UBN2: variants seen among roughly 807,000 people sequenced by gnomAD.
UBN2 encodes the protein ubinuclein-2.
In UBN2, 35 loss-of-function variants were observed where a neutral mutation model predicts 120.2. The ratio of observed to expected loss-of-function variants is 0.29; its 90% CI spans 0.22 to 0.39. The LOEUF (loss-of-function observed/expected upper bound fraction) is 0.39. UBN2 is among the 10% of genes least tolerant of loss of function. The pLI is 1.00. For missense variants in UBN2, 1,693 were observed against 1,663.2 expected, an observed-to-expected ratio of 1.02 and a Z score of -0.31; for synonymous variants, 661 against 648.7, an observed-to-expected ratio of 1.02 and a Z score of -0.29.
the UBN2 span, among the ~76,000 whole-genome samples, chr7:139,327,717 G>A: frequency 6.6e-6 from 1 of 152,116 alleles, no homozygotes; most frequent in Admixed American, 6.5e-5. Context: ...ATAGCACTCT[G>A]CCTTAATGAA....
intron 7 of UBN2, among the ~76,000 whole-genome samples, chr7:139,268,186 C>G (rs573085769): frequency 5.3e-5 from 8 of 152,292 alleles, no homozygotes; most frequent in African/African-American, 1.4e-4. Context: ...GTTTATTCCT[C>G]TCATGTCTAT....
chr7:139,283,754 C>A lies in UBN2; in HGVS notation c.2849C>A (p.Ser950Tyr). The A allele has an allele frequency of 6.2e-7, 1 of 1,613,814 alleles. No individual in the cohort carries two copies. Among genetic ancestry groups the A allele is most frequent in the South Asian group, 1.1e-5 (1 of 91,086 alleles). The change falls in exon 15 of 18, where the codon TCC becomes TAC. Residue 950 changes from serine (S) to tyrosine (Y), a missense_variant. Physicochemically the swap from Ser to Tyr is moderately radical, Grantham distance 144. Coordinates refer to ENST00000473989, the MANE Select transcript of UBN2 (RefSeq NM_173569.4). ...VSPLQATISKSQTNPVVKLSN... is the reference protein window; with the variant it reads ...VSPLQATISKYQTNPVVKLSN... ...CCATTACAGGCCACCATCAGTAAAT[C>A]CCAGACCAACCCCGTCGTGAAGTTA...
At chr7:139,319,469 T>C in the UBN2 span, among the ~76,000 whole-genome samples, 8 of 152,164 alleles carry the variant, frequency 5.3e-5, no homozygotes, top group African/African-American at 1.9e-4. Context: ...AAATCCAGAC[T>C]CTAAAGCCAG....
At chr7:139,308,867 T>A (rs914488064), downstream of UBN2, among the ~76,000 whole-genome samples, 6 of 152,142 alleles carry the variant, frequency 3.9e-5, no homozygotes, top group Admixed American at 2.0e-4. Flanking sequence ...GTCAGGAGAT[T>A]GAGACCATCC....
downstream of UBN2, among the ~76,000 whole-genome samples, chr7:139,308,418 A>T (rs534830939): frequency 6.6e-6 from 1 of 152,120 alleles, no homozygotes; most frequent in Admixed American, 6.5e-5. Flanking sequence ...TTAAAAGATA[A>T]TGGTTCAAAA....
In UBN2 at chr7:139,266,375, A is replaced by C; in HGVS notation, c.1438A>C (p.Thr480Pro). 2 of 1,577,762 alleles carry C rather than the reference A, an allele frequency of 1.3e-6. No homozygotes were observed. The highest frequency in any genetic ancestry group is 1.7e-6 in the Non-Finnish European group (2 of 1,155,396). The change falls in exon 7 of 18, where the codon ACA (threonine) becomes CCA (proline). Residue 480 changes from threonine (T) to proline (P), a missense_variant. By Grantham distance (38) the Thr-to-Pro change is conservative. This residue lies in a region of UBN2 where 178 missense variants were observed against 204.0 expected (regional missense o/e 0.87). Coordinates refer to ENST00000473989, the MANE Select transcript of UBN2 (RefSeq NM_173569.4). ...TGAAGAAGGAAGGAAAAAATTCTTTACACAGGATATGAATAATATTCTTCT... is the reference window on the plus strand; with the variant it reads ...TGAAGAAGGAAGGAAAAAATTCTTTCCACAGGATATGAATAATATTCTTCT... ...FDEEGRKKFFTQDMNNILLDI... is the reference protein window; with the variant it reads ...FDEEGRKKFFPQDMNNILLDI...
intron 7 of UBN2, among the ~76,000 whole-genome samples, chr7:139,269,100 C>CT (rs953819098): frequency 1.6e-4 from 24 of 151,960 alleles, no homozygotes; most frequent in African/African-American, 5.8e-4. Flanking sequence ...TCCTGGCTAC[C>CT]TGGGAGGCTG....
At chr7:139,272,544 T>C in intron 9 of UBN2, 104 bp downstream of exon 9, 2 of 712,920 alleles carry the variant, frequency 2.8e-6, no homozygotes, top group South Asian at 2.4e-5. Flanking sequence ...GTATGTATTT[T>C]GAGACGGAAT....
Position 139,261,380 on chromosome 7 carries a change from A to C in UBN2, c.1034A>C (p.Lys345Thr). The stretch of plus-strand genomic sequence containing the variant: ...GCATTAAAGAAGGAGTCTAACCCCA[A>C]AGTCCCAGTGACCTTGTCAACCCCT... ...KDALKKESNP[K>T]VPVTLSTPSL... Residue 345 changes from lysine (K) to threonine (T), a missense_variant, in exon 6 of 18, where the codon AAA (lysine) becomes ACA (threonine). Coordinates refer to ENST00000473989, the MANE Select transcript of UBN2 (RefSeq NM_173569.4). 6.2e-7 allele frequency: 1 copy of C among 1,614,166 alleles called. No homozygotes were observed. The highest frequency in any genetic ancestry group is 8.5e-7 in the Non-Finnish European group (1 of 1,180,014).
rs1798243624 is a variant in UBN2, at chr7:139,301,026, G to A, written c.*3190G>A. 6.6e-6 allele frequency: 1 copy of A among 152,214 alleles called. No homozygotes were observed. Among genetic ancestry groups the A allele is most frequent in the Non-Finnish European group, 1.5e-5 (1 of 68,036 alleles). The allele number at this position is 152,214 out of a possible 1,614,324, so 9.4% of individuals were successfully genotyped here. On this transcript the variant is annotated 3_prime_UTR_variant, in exon 18 of 18. Coordinates refer to ENST00000473989, the MANE Select transcript of UBN2 (RefSeq NM_173569.4). ...GGAAAGGAAATGAGGCTAATCTGTAGTCATAAAATTCTGATACTTTGCGGA... is the reference window on the plus strand; with the variant it reads ...GGAAAGGAAATGAGGCTAATCTGTAATCATAAAATTCTGATACTTTGCGGA...
At position 139,273,317 on chromosome 7, in the gene UBN2, G is replaced by A. The variant is rs768811322; in HGVS notation, c.1736G>A (p.Arg579Gln). The part of the protein sequence containing the change: ...KCAKLQTDEE[R>Q]EKNGSEEDDD... Reference sequence around the variant, plus strand: ...TTTAGATTGCAGACAGATGAAGAACGAGAAAAAAATGGATCTGAAGAGGAT... The same window carrying A: ...TTTAGATTGCAGACAGATGAAGAACAAGAAAAAAATGGATCTGAAGAGGAT... The change falls in exon 10 of 18, where the codon CGA (arginine) becomes CAA (glutamine). Residue 579 changes from arginine to glutamine, a missense_variant. Arg to Gln is a conservative substitution (Grantham distance 43, BLOSUM62 1). This residue lies in a region of UBN2 where 178 missense variants were observed against 204.0 expected (regional missense o/e 0.87). Transcript: ENST00000473989. 2.1e-5 allele frequency: 34 copies of A among 1,605,250 alleles called. No individual in the cohort carries two copies. Among genetic ancestry groups the A allele is most frequent in the Admixed American group, 1.2e-4 (7 of 58,708 alleles).
intron 15 of UBN2, among the ~76,000 whole-genome samples, chr7:139,285,427 G>T (rs10267272): frequency 1.3e-5 from 2 of 152,108 alleles, no homozygotes; most frequent in African/African-American, 2.4e-5. Flanking sequence ...TTGAGTAGGC[G>T]TAGCCTTCTT....
At chr7:139,241,531 T>C (rs1001250226) in intron 2 of UBN2, among the ~76,000 whole-genome samples, 45 of 152,252 alleles carry the variant, frequency 3.0e-4, no homozygotes, top group Non-Finnish European at 5.4e-4. Flanking sequence ...AGTAGTTTCA[T>C]ACTTCTTTTA....
intron 6 of UBN2, among the ~76,000 whole-genome samples, chr7:139,266,006 G>A (rs1480734737): frequency 2.0e-5 from 3 of 151,818 alleles, no homozygotes; most frequent in Non-Finnish European, 4.4e-5. Context: ...TCTCTCAAAT[G>A]GCTTTGCCTC....
intron 12 of UBN2, chr7:139,276,481 T>G (rs911070005): frequency 3.0e-6 from 1 of 328,414 alleles, no homozygotes; most frequent in African/African-American, 2.2e-5. Flanking sequence ...TCTACAGCCC[T>G]CTGTGTCCTG....
At chr7:139,322,068 G>T in the UBN2 span, among the ~76,000 whole-genome samples, 1 of 151,900 alleles carries the variant, frequency 6.6e-6, no homozygotes, top group African/African-American at 2.4e-5. Context: ...CTGCCTCCCA[G>T]GTTCAAGTGA....
At chr7:139,255,275 A>G (rs1796727022) in intron 3 of UBN2, among the ~76,000 whole-genome samples, 1 of 152,196 alleles carries the variant, frequency 6.6e-6, no homozygotes, top group Non-Finnish European at 1.5e-5. Flanking sequence ...TGACTTTTGT[A>G]ACCCATAATT....
chr7:139,298,509 A>C lies in UBN2; in HGVS notation c.*673A>C, dbSNP rs909180947. 61 of 152,170 alleles carry C rather than the reference A, an allele frequency of 4.0e-4. No individual in the cohort carries two copies. Among genetic ancestry groups the C allele is most frequent in the African/African-American group, 1.4e-3 (60 of 41,434 alleles). 9.4% of individuals were successfully genotyped at this position (152,170 alleles called of 1,614,324 possible). A position where few individuals can be genotyped will look rare whatever the true frequency, so the allele number is the denominator to read the frequency against. On this transcript the variant is annotated 3_prime_UTR_variant, in exon 18 of 18. Coordinates refer to ENST00000473989, the MANE Select transcript of UBN2 (RefSeq NM_173569.4). ...TAAATCATCTAGATTTTTAAAAATC[A>C]GGAAGTTGAGCCTGTTGCTCTTAAG...
chr7:139,293,486 G>A (rs746398869), intron 16 of UBN2, 23 bp downstream of exon 16: 1 of 1,606,902 alleles, frequency 6.2e-7, no homozygotes, highest in South Asian at 1.1e-5. Flanking sequence ...CTTCTATTTG[G>A]TTGGGCTGTC....
Sources: allele counts gnomAD v4.1 joint callset (sites outside exome capture counted in the v4.1 genomes callset), GRCh38; gene constraint gnomAD v4.1.1; regional missense constraint gnomAD v4.1.1; transcripts MANE v1.5; gene names NCBI Gene and HGNC (gene_info 2026-07-23, HGNC 2026-07-21).